The following MCAT variants were observed in gnomAD, a reference collection of about 807,000 sequenced individuals.
MCAT encodes malonyl-CoA-acyl carrier protein transacylase.
MCAT carries 22 observed loss-of-function variants against 22.9 expected under a neutral mutation model. The observed-to-expected ratio is 0.96, with a 90% CI of 0.69 to 1.37. The LOEUF is 1.37. MCAT is among the 40% of genes most tolerant of loss of function. The pLI is 0.00. For missense variants in MCAT, 534 were observed against 533.6 expected, an observed-to-expected ratio of 1.00 and a Z score of -0.01; for synonymous variants, 240 against 233.9, an observed-to-expected ratio of 1.03 and a Z score of -0.24.
At position 43,141,151 on chromosome 22, in the gene MCAT, C is replaced by A. The variant is rs1483999238; in HGVS notation, c.511+11G>T. On this transcript the variant is annotated intron_variant, in intron 2 of 3. Transcript: ENST00000290429. ...CCACAGCCTTGCATAAAACCAAACT[C>A]CTTCCTGTACCTTCAGCAAATTCCA... is the stretch of plus-strand genomic sequence containing the variant. 1.9e-6 allele frequency: 3 copies of A among 1,613,842 alleles called. No individual in the cohort carries two copies. Among genetic ancestry groups the A allele is most frequent in the Non-Finnish European group, 2.5e-6 (3 of 1,179,796 alleles).
At chr22:43,142,828 G>T in intron 1 of MCAT, 98 bp downstream of exon 1, 3 of 1,256,410 alleles carry the variant, frequency 2.4e-6, no homozygotes, top group East Asian at 2.9e-5. Flanking sequence ...TGAGTAAGAC[G>T]TGGGAGCCCC....
Position 43,137,147 on chromosome 22 carries a change from C to CT in MCAT, c.662dup (p.Asn222GlufsTer5). 6.2e-7 allele frequency: 1 copy of CT among 1,614,164 alleles called. No individual in the cohort carries two copies. Among genetic ancestry groups the CT allele is most frequent in the African/African-American group, 1.3e-5 (1 of 75,048 alleles). On this transcript the variant is annotated frameshift_variant, in exon 3 of 4. Coordinates refer to ENST00000290429, the MANE Select transcript of MCAT (RefSeq NM_173467.5). LOFTEE classifies it high-confidence loss of function. ...AGTTGGACACTTCACATACGGGGTT[C>CT]TCTATGCCTAAAGACTTGCAGTGTT...
chr22:43,142,866 G>C, intron 1 of MCAT, 60 bp downstream of exon 1: 1 of 1,405,802 alleles, frequency 7.1e-7, no homozygotes, highest in Non-Finnish European at 9.3e-7. Context: ...GCCTCTGGCA[G>C]GGCCAAGAGC....
chr22:43,137,838 T>C (rs1282900726), intron 2 of MCAT, among the ~76,000 whole-genome samples: 1 of 152,068 alleles, frequency 6.6e-6, no homozygotes, highest in Non-Finnish European at 1.5e-5. Flanking sequence ...ACAACCTCCT[T>C]GAGGTTCAAA....
intron 3 of MCAT, among the ~76,000 whole-genome samples, chr22:43,133,892 G>A (rs2017203): frequency 0.014 from 2,065 of 148,742 alleles, 55 homozygotes; most frequent in African/African-American, 0.049. Context: ...TGCAAGCTCC[G>A]CCTCCCAGGT....
At chr22:43,141,499 C>T (rs1311148727) in intron 1 of MCAT, among the ~76,000 whole-genome samples, 3 of 152,198 alleles carry the variant, frequency 2.0e-5, no homozygotes, top group African/African-American at 7.2e-5. Flanking sequence ...GACGCCAACC[C>T]AGGGCTCTGG....
rs1303017751 is a variant in MCAT, at chr22:43,137,353, G to C, written c.512-55C>G. 7.5e-6 allele frequency: 11 copies of C among 1,475,804 alleles called. No homozygotes were observed. The South Asian group carries it at 1.3e-4, about 18-fold the overall frequency. 91.4% of individuals were successfully genotyped at this position (1,475,804 alleles called of 1,614,324 possible). On this transcript the variant is annotated intron_variant, in intron 2 of 3. Transcript: ENST00000290429. Reference sequence around the variant, plus strand: ...TGAGGGCACAGAATGAAGGAGAAAAGGCCAGGCCTGAGAAACAAAGCCCAA... The same window carrying C: ...TGAGGGCACAGAATGAAGGAGAAAACGCCAGGCCTGAGAAACAAAGCCCAA...
chr22:43,133,081 C>G lies in MCAT; in HGVS notation c.1135G>C (p.Glu379Gln). Residue 379 changes from glutamate (E) to glutamine (Q), a missense_variant, in exon 4 of 4, where the codon GAA becomes CAA. Glu to Gln is a conservative substitution (Grantham distance 29). Coordinates refer to ENST00000290429, the MANE Select transcript of MCAT (RefSeq NM_173467.5). ...TCCTGAGGGTCCAGGTCCACATGTT[C>G]GAGGGTCTGCAGCACATCCACGGCG... ...YSAVDVLQTL[E>Q]HVDLDPQEPP... 6.2e-7 allele frequency: 1 copy of G among 1,614,114 alleles called. No homozygotes were observed. Among genetic ancestry groups the G allele is most frequent in the Non-Finnish European group, 8.5e-7 (1 of 1,180,018 alleles).
chr22:43,136,244 A>T (rs1930607116), intron 3 of MCAT, among the ~76,000 whole-genome samples: 1 of 152,180 alleles, frequency 6.6e-6, no homozygotes, highest in Non-Finnish European at 1.5e-5. Flanking sequence ...ACCCTGTCTC[A>T]AACAAACAAA....
chr22:43,134,046 A>T (rs1374767936), intron 3 of MCAT, among the ~76,000 whole-genome samples: 2 of 152,154 alleles, frequency 1.3e-5, no homozygotes, highest in African/African-American at 2.4e-5. Flanking sequence ...GATTACAGGC[A>T]TGAGCCGCCG....
In MCAT at chr22:43,133,425, G is replaced by T; in HGVS notation, c.791C>A (p.Pro264Gln). The T allele has an allele frequency of 6.2e-7, 1 of 1,614,044 alleles. No homozygotes were observed. The highest frequency in any genetic ancestry group is 8.5e-7 in the Non-Finnish European group (1 of 1,179,990). ...KFHFRRTRML[P>Q]VSGAFHTRLM... ...GCGGGTGTGGAATGCGCCACTAACCGGCAACATCCTGGTGCGTCTGAAATG... is the reference window on the plus strand; with the variant it reads ...GCGGGTGTGGAATGCGCCACTAACCTGCAACATCCTGGTGCGTCTGAAATG... The change falls in exon 4 of 4, where the codon CCG becomes CAG. Residue 264 changes from proline to glutamine, a missense_variant. Transcript: ENST00000290429.
At chr22:43,137,703 C>G (rs979926681) in intron 2 of MCAT, among the ~76,000 whole-genome samples, 1 of 151,222 alleles carries the variant, frequency 6.6e-6, no homozygotes, top group African/African-American at 2.4e-5. Context: ...TTGCCCCCAA[C>G]AAAACAAATG....
At chr22:43,142,804 A>C in intron 1 of MCAT, 122 bp downstream of exon 1, 1 of 1,127,494 alleles carries the variant, frequency 8.9e-7, no homozygotes, top group South Asian at 1.9e-5. Flanking sequence ...AACAAAAAAA[A>C]AAACTCGATC....
At chr22:43,136,942 C>T in intron 3 of MCAT, 139 bp downstream of exon 3, 1 of 743,406 alleles carries the variant, frequency 1.3e-6, no homozygotes, top group Non-Finnish European at 2.4e-6. Context: ...CGGTCTACCT[C>T]ACTGCCCTGG....
At chr22:43,142,348 G>T (rs993122808) in intron 1 of MCAT, among the ~76,000 whole-genome samples, 2 of 151,718 alleles carry the variant, frequency 1.3e-5, no homozygotes, top group Non-Finnish European at 2.9e-5. Flanking sequence ...TTAGCCGGGC[G>T]TGGTGGTGTG....
intron 3 of MCAT, among the ~76,000 whole-genome samples, chr22:43,135,667 G>A (rs553310109): frequency 2.0e-5 from 3 of 152,152 alleles, no homozygotes; most frequent in Admixed American, 6.6e-5. Context: ...TAAAGGGAAC[G>A]CCTAACTAGC....
rs1601737860 is a variant in MCAT at position 43,132,821 on chromosome 22, C to A, written c.*222G>T. On this transcript the variant is annotated 3_prime_UTR_variant, in exon 4 of 4. Coordinates refer to ENST00000290429, the MANE Select transcript of MCAT (RefSeq NM_173467.5). Reference sequence around the variant, plus strand: ...CACACACCAGCCCTGTGGCATCATTCTTCCCAACGTCCAAACGTTTTTCCA... The same window carrying A: ...CACACACCAGCCCTGTGGCATCATTATTCCCAACGTCCAAACGTTTTTCCA... 4 of 561,582 alleles carry A rather than the reference C, an allele frequency of 7.1e-6. No homozygotes were observed. The South Asian group carries it at 8.5e-5, about 12-fold the overall frequency. The allele number at this position is 561,582 out of a possible 1,614,324, so 34.8% of individuals were successfully genotyped here. A position where few individuals can be genotyped will look rare whatever the true frequency, so the allele number is the denominator to read the frequency against.
At chr22:43,141,337 A>T in intron 1 of MCAT, 88 bp from the exon 2 acceptor site, 1 of 1,114,768 alleles carries the variant, frequency 9.0e-7, no homozygotes, top group Non-Finnish European at 1.4e-6. Flanking sequence ...CGGGGTGTTC[A>T]GCATCTCAGT....
At chr22:43,135,510 C>CAAAAAAAA (rs1300123609) in intron 3 of MCAT, among the ~76,000 whole-genome samples, 8 of 76,312 alleles carry the variant, frequency 1.0e-4, no homozygotes, top group South Asian at 3.8e-4. Flanking sequence ...TCTCAAAAAA[C>CAAAAAAAA]AAAAAAAAAA....
Sources: gnomAD v4.1 joint callset for allele counts (sites outside exome capture counted in the v4.1 genomes callset) on GRCh38, gnomAD v4.1.1 for gene constraint, MANE v1.5 for transcripts, NCBI Gene and HGNC (gene_info 2026-07-23, HGNC 2026-07-21) for gene names.